The following PAM variants were observed in gnomAD, a reference collection of about 807,000 sequenced individuals.
PAM encodes peptidyl-glycine alpha-amidating monooxygenase.
A neutral mutation model predicts 122.1 loss-of-function variants in PAM; 72 were observed. The ratio of observed to expected loss-of-function variants is 0.59; its 90% CI spans 0.49 to 0.72. The LOEUF (loss-of-function observed/expected upper bound fraction) is 0.72. PAM is among the 30% of genes least tolerant of loss of function. The probability of loss-of-function intolerance (pLI) is 0.00; values close to 1 mark genes in which losing one functional copy is unlikely to be tolerated. For missense variants in PAM, 1,106 were observed against 1,183.7 expected, an observed-to-expected ratio of 0.93 and a Z score of 0.96; for synonymous variants, 389 against 404.4, an observed-to-expected ratio of 0.96 and a Z score of 0.46.
At chr5:102,795,547 T>A (rs891489624) in intron 1 of PAM, among the ~76,000 whole-genome samples, 1 of 152,198 alleles carries the variant, frequency 6.6e-6, no homozygotes, top group Non-Finnish European at 1.5e-5. Context: ...AATTTCCTTG[T>A]TTATTAACTA....
chr5:102,856,660 C>T (rs893023700), intron 1 of PAM, among the ~76,000 whole-genome samples: 2 of 151,982 alleles, frequency 1.3e-5, no homozygotes, highest in Non-Finnish European at 2.9e-5. Context: ...GACTAATGGA[C>T]ATATTTAAAG....
intron 12 of PAM, among the ~76,000 whole-genome samples, chr5:102,954,491 A>G (rs1022089203): frequency 1.1e-4 from 16 of 151,550 alleles, no homozygotes; most frequent in African/African-American, 3.9e-4. Flanking sequence ...ATATATTAAT[A>G]AATATACTTA....
intron 1 of PAM, among the ~76,000 whole-genome samples, chr5:102,785,038 A>G (rs1041129204): frequency 1.3e-5 from 2 of 152,240 alleles, no homozygotes; most frequent in African/African-American, 4.8e-5. Context: ...AAACTTCCCC[A>G]AATAGACTTT....
intron 1 of PAM, among the ~76,000 whole-genome samples, chr5:102,853,102 C>G (rs7730129): frequency 0.11 from 17,215 of 152,086 alleles, 2,291 homozygotes; most frequent in African/African-American, 0.32. Flanking sequence ...TTGGTTCTGC[C>G]AGACTGCTTC....
intron 3 of PAM, among the ~76,000 whole-genome samples, chr5:102,880,950 A>G (rs73192765): frequency 0.09 from 13,626 of 152,046 alleles, 1,508 homozygotes; most frequent in African/African-American, 0.25. Context: ...AAGTTAGAAA[A>G]GATAAAAGGA....
intron 1 of PAM, among the ~76,000 whole-genome samples, chr5:102,856,945 A>G (rs1782791887): frequency 1.3e-5 from 2 of 152,122 alleles, no homozygotes; most frequent in South Asian, 2.1e-4. Context: ...GCCTTAAAAA[A>G]CAAACCAACA....
chr5:102,929,869 C>CCT (rs1554123768), intron 7 of PAM, among the ~76,000 whole-genome samples: 1 of 147,068 alleles, frequency 6.8e-6, no homozygotes, highest in Non-Finnish European at 1.5e-5. Context: ...TTTTGCGATT[C>CCT]TTTTTTTTTT....
intron 4 of PAM, among the ~76,000 whole-genome samples, chr5:102,906,079 G>A (rs924183841): frequency 6.6e-6 from 1 of 151,634 alleles, no homozygotes; most frequent in Admixed American, 6.6e-5. Flanking sequence ...CTATCCTTTG[G>A]TCACCCAAGT....
At chr5:102,821,763 A>T (rs1382205776) in intron 1 of PAM, among the ~76,000 whole-genome samples, 1 of 152,252 alleles carries the variant, frequency 6.6e-6, no homozygotes, top group Non-Finnish European at 1.5e-5. Flanking sequence ...TTACTTGGAC[A>T]GACTGGCTCC....
chr5:102,861,617 C>A (rs1784216936), intron 1 of PAM, among the ~76,000 whole-genome samples: 1 of 152,058 alleles, frequency 6.6e-6, no homozygotes, highest in Non-Finnish European at 1.5e-5. Flanking sequence ...GGACAGTGGG[C>A]AAAGTTTGGA....
rs78320928 is a variant in PAM, at chr5:102,952,905, C to T, written c.905+2085C>T. Among the ~76,000 whole-genome samples the T allele has an allele frequency of 6.7e-3, 1,016 of 152,240 alleles. 8 individuals carry two copies. Among genetic ancestry groups the T allele is most frequent in the Non-Finnish European group, 0.012 (848 of 68,006 alleles). Reference sequence around the variant, plus strand: ...CCACACATACAAACACACATTCCCACAGGACACAGATTTGAGCCCCGAGCG... The same window carrying T: ...CCACACATACAAACACACATTCCCATAGGACACAGATTTGAGCCCCGAGCG... On this transcript the variant is annotated intron_variant, in intron 12 of 25. Transcript: ENST00000438793.
At chr5:102,965,762 A>G (rs1176339134) in intron 14 of PAM, among the ~76,000 whole-genome samples, 2 of 152,048 alleles carry the variant, frequency 1.3e-5, no homozygotes, top group Non-Finnish European at 2.9e-5. Context: ...AAAATACCCC[A>G]TGACCCCAGA....
At chr5:102,770,066 A>C in intron 1 of PAM, among the ~76,000 whole-genome samples, 1 of 151,988 alleles carries the variant, frequency 6.6e-6, no homozygotes, top group Admixed American at 6.6e-5. Context: ...CATTATAGAG[A>C]TCTTTTACAT....
intron 7 of PAM, among the ~76,000 whole-genome samples, chr5:102,941,775 C>CCAT: frequency 7.1e-6 from 1 of 141,086 alleles, no homozygotes; most frequent in South Asian, 2.2e-4. Context: ...TGGATGACCA[C>CCAT]CATTTTTTTG....
chr5:102,769,465 G>A (rs772681055), intron 1 of PAM, among the ~76,000 whole-genome samples: 5 of 151,992 alleles, frequency 3.3e-5, no homozygotes, highest in African/African-American at 7.2e-5. Context: ...ATGTTTTCTT[G>A]TAGAAGTTTC....
At chr5:102,897,121 A>G (rs1480992214) in intron 3 of PAM, among the ~76,000 whole-genome samples, 1 of 151,636 alleles carries the variant, frequency 6.6e-6, no homozygotes, top group African/African-American at 2.4e-5. Context: ...CACTTTCCAT[A>G]CGTTTTCCTT....
chr5:102,800,636 C>CT (rs1419813554), intron 1 of PAM, among the ~76,000 whole-genome samples: 1 of 152,100 alleles, frequency 6.6e-6, no homozygotes, highest in East Asian at 1.9e-4. Context: ...ACATTGCTTC[C>CT]TTTTTCACAA....
intron 1 of PAM, among the ~76,000 whole-genome samples, chr5:102,770,897 AT>A (rs1490877816): frequency 6.6e-6 from 1 of 151,862 alleles, no homozygotes; most frequent in African/African-American, 2.4e-5. Context: ...ATAGTTAATA[AT>A]TTCCCCCAAA....
At chr5:102,783,103 C>T (rs550983322) in intron 1 of PAM, among the ~76,000 whole-genome samples, 1 of 151,764 alleles carries the variant, frequency 6.6e-6, no homozygotes, top group Admixed American at 6.6e-5. Context: ...TAGCTGGTGG[C>T]ATATATAATT....
Sources: allele counts gnomAD v4.1 joint callset (sites outside exome capture counted in the v4.1 genomes callset), GRCh38; gene constraint gnomAD v4.1.1; transcripts MANE v1.5; gene names NCBI Gene and HGNC (gene_info 2026-07-23, HGNC 2026-07-21).